Variants in PARVB observed in about 807,000 individuals in gnomAD.
The protein encoded by PARVB is parvin beta.
A neutral mutation model predicts 47.0 loss-of-function variants in PARVB; 46 were observed. The ratio of observed to expected loss-of-function variants is 0.98; its 90% CI spans 0.77 to 1.25. PARVB has a LOEUF of 1.25. PARVB is among the 50% of genes most tolerant of loss of function. The probability of loss-of-function intolerance (pLI) is 0.00; values close to 1 mark genes in which losing one functional copy is unlikely to be tolerated. For synonymous variants in PARVB, 196 were observed against 196.3 expected (o/e 1.00, Z 0.01); for missense variants, 473 against 471.6 (o/e 1.00, Z -0.03).
At chr22:44,123,688 T>A (rs2053123635) in intron 4 of PARVB, among the ~76,000 whole-genome samples, 1 of 152,116 alleles carries the variant, frequency 6.6e-6, no homozygotes, top group African/African-American at 2.4e-5. Flanking sequence ...GTGTGGGGTT[T>A]ACAGGCATGA....
At position 44,103,439 on chromosome 22, in the gene PARVB, T is replaced by G. The variant is rs2052496904; in HGVS notation, c.273+3316T>G. On this transcript the variant is annotated intron_variant, in intron 3 of 12. Coordinates refer to ENST00000338758, the MANE Select transcript of PARVB (RefSeq NM_013327.5). This position sits in a 1 kb window ranked among gnomAD's most constrained non-coding sequence, Gnocchi z 4.6. ...TCCCTTCCCCTCCCTGTTGCTCGTC[T>G]AGGGTGCCCTCCCCTCACCCCCAAA... The G allele has an allele frequency of 6.6e-6, 1 of 152,156 alleles. No homozygotes were observed. Among genetic ancestry groups the G allele is most frequent in the Non-Finnish European group, 1.5e-5 (1 of 68,048 alleles). 9.4% of individuals were successfully genotyped at this position (152,156 alleles called of 1,614,324 possible). A position where few individuals can be genotyped will look rare whatever the true frequency, so the allele number is the denominator to read the frequency against.
At chr22:44,168,324 GCAGATC>G in intron 12 of PARVB, 1 of 406,664 alleles carries the variant, frequency 2.5e-6, no homozygotes, top group Non-Finnish European at 4.6e-6. Flanking sequence ...ATGTCCTGAT[GCAGATC>G]CAGGAGGGGC....
At chr22:44,025,236 C>G (rs543542395) in intron 1 of PARVB, among the ~76,000 whole-genome samples, 3 of 152,120 alleles carry the variant, frequency 2.0e-5, no homozygotes, top group South Asian at 4.1e-4. Flanking sequence ...TCAGGTGGGT[C>G]CCCGGGAAGG....
At chr22:44,094,495 G>A (rs946095086) in intron 2 of PARVB, among the ~76,000 whole-genome samples, 1 of 152,172 alleles carries the variant, frequency 6.6e-6, no homozygotes, top group Admixed American at 6.5e-5. Flanking sequence ...GATATTTTAT[G>A]TATATATTTT....
upstream of PARVB, among the ~76,000 whole-genome samples, chr22:44,022,732 T>A (rs114303040): frequency 7.0e-6 from 1 of 142,350 alleles, no homozygotes; most frequent in African/African-American, 2.8e-5. Context: ...TCCTACTTCT[T>A]TTTTTTTATT....
intron 1 of PARVB, among the ~76,000 whole-genome samples, chr22:44,053,655 G>C (rs1378772747): frequency 6.6e-6 from 1 of 152,170 alleles, no homozygotes; most frequent in Non-Finnish European, 1.5e-5. Context: ...CCTGGAGATG[G>C]CATCAGATCC....
chr22:44,016,629 G>A (rs561537972), intron 2 of PARVB, among the ~76,000 whole-genome samples: 5 of 152,130 alleles, frequency 3.3e-5, no homozygotes, highest in Non-Finnish European at 7.4e-5. Context: ...AAATAATTTT[G>A]TGCGTGAAAC....
intron 3 of PARVB, among the ~76,000 whole-genome samples, chr22:44,100,700 CCTT>C: frequency 6.6e-6 from 1 of 152,240 alleles, no homozygotes; most frequent in Middle Eastern, 3.4e-3. Context: ...CAGCGGCTGT[CCTT>C]CTCCAGCGTG....
chr22:44,082,420 G>A (rs545882540), intron 1 of PARVB, among the ~76,000 whole-genome samples: 156 of 152,306 alleles, frequency 1.0e-3, no homozygotes, highest in African/African-American at 3.6e-3. Context: ...TCAGGAGGCT[G>A]AGGCAGGAGA....
At chr22:44,168,543 A>T in intron 12 of PARVB, 59 bp from the exon 13 acceptor site, 1 of 1,120,852 alleles carries the variant, frequency 8.9e-7, no homozygotes, top group South Asian at 1.2e-5. Context: ...TTCTGAGAGT[A>T]CCTACCGCAA....
chr22:44,091,752 G>A (rs2052172561), intron 1 of PARVB, among the ~76,000 whole-genome samples: 1 of 152,242 alleles, frequency 6.6e-6, no homozygotes, highest in African/African-American at 2.4e-5. Context: ...CTCAGTGACT[G>A]CAGCAGTGCC....
Position 44,152,900 on chromosome 22 carries a change from T to TA in PARVB, c.843+1355dup, listed in dbSNP as rs997481706. ...AACTTTCCTCATTTGCTTTTCTAAT[T>TA]AAAAAACTAATTCAGGTTCATTGTA... On this transcript the variant is annotated intron_variant, in intron 10 of 12. Transcript: ENST00000338758. The TA allele has an allele frequency of 3.4e-4, 51 of 152,154 alleles. 1 individual carries two copies. Among genetic ancestry groups the TA allele is most frequent in the Admixed American group, 2.0e-4 (3 of 15,278 alleles). The allele number at this position is 152,154 out of a possible 1,614,324, so 9.4% of individuals were successfully genotyped here.
chr22:44,073,248 G>C (rs2146985160), intron 1 of PARVB, among the ~76,000 whole-genome samples: 1 of 152,338 alleles, frequency 6.6e-6, no homozygotes, highest in East Asian at 1.9e-4. Flanking sequence ...CTAGCACTTT[G>C]GGAGGCTGAG....
intron 1 of PARVB, among the ~76,000 whole-genome samples, chr22:44,077,790 A>G (rs906462078): frequency 6.6e-6 from 1 of 151,836 alleles, no homozygotes; most frequent in African/African-American, 2.4e-5. Flanking sequence ...CTGGTGTGCA[A>G]TGGTTCTAGC....
chr22:44,066,892 T>C (rs951094433), intron 1 of PARVB, among the ~76,000 whole-genome samples: 9 of 151,542 alleles, frequency 5.9e-5, no homozygotes, highest in African/African-American at 2.2e-4. Context: ...TTCTTCTTCT[T>C]AGGCAGGGTC....
intron 10 of PARVB, chr22:44,153,337 C>CT (rs956321254): frequency 3.4e-4 from 51 of 151,196 alleles, no homozygotes; most frequent in Non-Finnish European, 6.1e-4. Context: ...TTCTTTCTTT[C>CT]TTTTTTTTTG....
chr22:44,075,831 CCT>C (rs1308777734), intron 1 of PARVB, among the ~76,000 whole-genome samples: 2 of 152,326 alleles, frequency 1.3e-5, no homozygotes, highest in East Asian at 1.9e-4. Context: ...CCATTTGTTC[CCT>C]GTTTGCCTCC....
At chr22:44,030,234 C>G (rs759885095) in intron 1 of PARVB, among the ~76,000 whole-genome samples, 4 of 152,244 alleles carry the variant, frequency 2.6e-5, no homozygotes, top group Non-Finnish European at 4.4e-5. Flanking sequence ...GCTCAGGCCC[C>G]ACTCAGGACA....
chr22:44,017,946 T>C (rs1292358602), intron 2 of PARVB, among the ~76,000 whole-genome samples: 2 of 152,206 alleles, frequency 1.3e-5, no homozygotes, highest in South Asian at 2.1e-4. Flanking sequence ...GTCACACATG[T>C]GACATTGTGT....
Sources: allele counts gnomAD v4.1 joint callset (sites outside exome capture counted in the v4.1 genomes callset), GRCh38; gene constraint gnomAD v4.1.1; non-coding constraint Gnocchi (gnomAD v3.1); transcripts MANE v1.5; gene names NCBI Gene and HGNC (gene_info 2026-07-23, HGNC 2026-07-21).